The following DIPK1A variants were observed in gnomAD, a reference collection of about 807,000 sequenced individuals.
DIPK1A encodes divergent protein kinase domain 1A, also known as family with sequence similarity 69 member A.
In DIPK1A, 27 loss-of-function variants were observed where a neutral mutation model predicts 40.8. The ratio of observed to expected loss-of-function variants is 0.66; its 90% CI spans 0.49 to 0.91. The LOEUF is 0.91. DIPK1A is among the 40% of genes least tolerant of loss of function. The pLI is 0.00. For synonymous variants in DIPK1A, 166 were observed against 171.3 expected (o/e 0.97, Z 0.24); for missense variants, 412 against 505.7 (o/e 0.81, Z 1.78).
intron 4 of DIPK1A, chr1:92,836,531 C>T: frequency 1.3e-6 from 1 of 756,312 alleles, no homozygotes; most frequent in South Asian, 1.5e-5. Context: ...GCAGGAGGAA[C>T]CTAGTAGGGC....
downstream of DIPK1A, chr1:92,840,343 T>C: frequency 1.9e-6 from 1 of 523,698 alleles, no homozygotes. Context: ...TGGAGTTCTG[T>C]AGTGATAATT....
chr1:92,882,647 T>C (rs768746775), intron 1 of DIPK1A, among the ~76,000 whole-genome samples: 1 of 152,234 alleles, frequency 6.6e-6, no homozygotes, highest in Non-Finnish European at 1.5e-5. Flanking sequence ...TATAGCCAGT[T>C]TGTTCATTTT....
intron 3 of DIPK1A, among the ~76,000 whole-genome samples, chr1:92,848,901 T>G (rs1687718583): frequency 6.6e-6 from 1 of 152,234 alleles, no homozygotes; most frequent in African/African-American, 2.4e-5. Flanking sequence ...TTAGGAACCA[T>G]AAGATGAACA....
intron 1 of DIPK1A, among the ~76,000 whole-genome samples, chr1:92,942,141 A>G (rs763454372): frequency 2.0e-5 from 3 of 152,230 alleles, no homozygotes; most frequent in Non-Finnish European, 2.9e-5. Context: ...ACAGTTTATG[A>G]AAGGAAGAAC....
At chr1:92,863,864 A>G (rs1453790104) in intron 2 of DIPK1A, among the ~76,000 whole-genome samples, 2 of 151,998 alleles carry the variant, frequency 1.3e-5, no homozygotes. Flanking sequence ...AGATCAGCCT[A>G]GTCAACATGG....
chr1:92,870,073 T>TAC (rs1211095931), intron 2 of DIPK1A, among the ~76,000 whole-genome samples: 4,926 of 143,674 alleles, frequency 0.034, 137 homozygotes, highest in African/African-American at 0.084. Context: ...ATGAATTATA[T>TAC]ATACACACAC....
intron 1 of DIPK1A, among the ~76,000 whole-genome samples, chr1:92,952,022 T>G (rs972423316): frequency 7.5e-6 from 1 of 132,824 alleles, no homozygotes; most frequent in African/African-American, 2.9e-5. Flanking sequence ...AAATTAAAAC[T>G]ACAATGAAAT....
downstream of DIPK1A, chr1:92,841,982 G>A: frequency 8.5e-6 from 8 of 946,008 alleles, no homozygotes; most frequent in Middle Eastern, 3.1e-4. Context: ...GAAATATTTT[G>A]GAAAAGCAAA....
At chr1:92,849,937 C>T (rs1042354964) in intron 3 of DIPK1A, among the ~76,000 whole-genome samples, 2 of 151,862 alleles carry the variant, frequency 1.3e-5, no homozygotes, top group Admixed American at 6.6e-5. Flanking sequence ...ATTACAGGCC[C>T]GTGCCACGGG....
At chr1:92,875,691 G>T (rs1222056796) in intron 2 of DIPK1A, among the ~76,000 whole-genome samples, 1 of 146,986 alleles carries the variant, frequency 6.8e-6, no homozygotes, top group Admixed American at 6.9e-5. Flanking sequence ...TCCAGCCTGG[G>T]CAATAAAGCA....
chr1:92,927,940 G>A (rs1650586956), intron 1 of DIPK1A, among the ~76,000 whole-genome samples: 1 of 152,126 alleles, frequency 6.6e-6, no homozygotes, highest in Non-Finnish European at 1.5e-5. Context: ...GTTTTTCTGT[G>A]GATGTGGGTT....
intron 1 of DIPK1A, among the ~76,000 whole-genome samples, chr1:92,886,058 C>T (rs1648582486): frequency 6.6e-6 from 1 of 152,076 alleles, no homozygotes; most frequent in Non-Finnish European, 1.5e-5. Flanking sequence ...TAAGACTGGG[C>T]ACAGAGGCTC....
chr1:92,895,243 C>T (rs935964313), intron 1 of DIPK1A, among the ~76,000 whole-genome samples: 15 of 151,942 alleles, frequency 9.9e-5, no homozygotes, highest in African/African-American at 3.4e-4. Flanking sequence ...AACATCGATG[C>T]AAAAATCCTC....
chr1:92,908,963 G>A (rs1376521501), intron 1 of DIPK1A, among the ~76,000 whole-genome samples: 2 of 152,086 alleles, frequency 1.3e-5, no homozygotes, highest in Non-Finnish European at 2.9e-5. Flanking sequence ...GAAACTTAAA[G>A]CAGAAAAAGT....
chr1:92,943,676 G>A (rs1651256370), intron 1 of DIPK1A, among the ~76,000 whole-genome samples: 1 of 152,214 alleles, frequency 6.6e-6, no homozygotes, highest in Non-Finnish European at 1.5e-5. Context: ...AGGGACCCCA[G>A]AGCCCAGCAT....
At chr1:92,881,253 C>T (rs899953944) in intron 1 of DIPK1A, among the ~76,000 whole-genome samples, 2 of 132,600 alleles carry the variant, frequency 1.5e-5, no homozygotes, top group Non-Finnish European at 3.1e-5. Flanking sequence ...ATGTAAAGCA[C>T]AAAGTCCTTT....
intron 1 of DIPK1A, among the ~76,000 whole-genome samples, chr1:92,910,115 ATTCT>A: frequency 1.3e-5 from 2 of 152,344 alleles, no homozygotes; most frequent in Middle Eastern, 6.8e-3. Context: ...TTGGTCAAAC[ATTCT>A]TTCTTCAACA....
At chr1:92,911,011 T>C (rs1649806422) in intron 1 of DIPK1A, among the ~76,000 whole-genome samples, 1 of 152,148 alleles carries the variant, frequency 6.6e-6, no homozygotes, top group African/African-American at 2.4e-5. Context: ...CAGTTCTCCA[T>C]CTCTATGATT....
intron 2 of DIPK1A, among the ~76,000 whole-genome samples, chr1:92,863,822 GA>G (rs1266996741): frequency 1.3e-5 from 2 of 152,100 alleles, no homozygotes; most frequent in Admixed American, 6.6e-5. Context: ...GGAGGCCGAG[GA>G]GAGGCTCACT....
Sources: gnomAD v4.1 joint callset for allele counts (sites outside exome capture counted in the v4.1 genomes callset) on GRCh38, gnomAD v4.1.1 for gene constraint, MANE v1.5 for transcripts, NCBI Gene and HGNC (gene_info 2026-07-23, HGNC 2026-07-21) for gene names.